TPSG1: variants seen among roughly 807,000 people sequenced by gnomAD.
The protein encoded by TPSG1 is tryptase gamma.
Under a neutral mutation model 23.8 loss-of-function variants are expected in TPSG1, and 43 were observed. The ratio of observed to expected loss-of-function variants is 1.81; its 90% CI spans 1.42 to 2.33. The LOEUF (loss-of-function observed/expected upper bound fraction) is 2.33. TPSG1 is among the 30% of genes most tolerant of loss of function. The pLI is 0.00. For synonymous variants in TPSG1, 302 were observed against 201.3 expected (o/e 1.50, Z -4.23); for missense variants, 623 against 438.6 (o/e 1.42, Z -3.75).
At chr16:1,222,562 G>T in intron 4 of TPSG1, 90 bp downstream of exon 4, 1 of 1,484,154 alleles carries the variant, frequency 6.7e-7, no homozygotes. Context: ...GCCACCAGGA[G>T]CAGGTGGTAG....
At chr16:1,225,056 G>A (rs541226092) in intron 1 of TPSG1, 151 bp downstream of exon 1, 5 of 833,532 alleles carry the variant, frequency 6.0e-6, no homozygotes, top group East Asian at 5.6e-5. Flanking sequence ...CCAGCCAGGG[G>A]TGCAGTCTCT....
Position 1,222,194 on chromosome 16 carries a change from A to G in TPSG1, c.657+2T>C, listed in dbSNP as rs1482360823. 1 of 1,611,176 alleles carries G rather than the reference A, an allele frequency of 6.2e-7. No homozygotes were observed. Among genetic ancestry groups the G allele is most frequent in the Non-Finnish European group, 8.5e-7 (1 of 1,179,668 alleles). On this transcript the variant is annotated splice_donor_variant, in intron 5 of 5. Coordinates refer to ENST00000234798, the MANE Select transcript of TPSG1 (RefSeq NM_012467.4). LOFTEE classifies it high-confidence loss of function. ...TCCTCTGTCACGGCCTGGCAGGCTC[A>G]CCTGGCAGGCATCCCCGGGGCCCCG...
At position 1,222,348 on chromosome 16, in the gene TPSG1, T is replaced by TG. The variant is rs370770974; in HGVS notation, c.512-8dup. On this transcript the variant is annotated splice_region_variant and splice_polypyrimidine_tract_variant and intron_variant, in intron 4 of 5. Transcript: ENST00000234798. Reference sequence around the variant, plus strand: ...TACGGGGGTGGCAGAGGCTCTGGGGTGGGGGGAACAGGCTTCAGAGAAGGT... The same window carrying TG: ...TACGGGGGTGGCAGAGGCTCTGGGGTGGGGGGGAACAGGCTTCAGAGAAGGT... The TG allele has an allele frequency of 7.1e-6, 11 of 1,560,060 alleles. No individual in the cohort carries two copies. Among genetic ancestry groups the TG allele is most frequent in the Non-Finnish European group, 9.6e-6 (11 of 1,151,788 alleles).
rs781004062 is a variant in TPSG1, at chr16:1,222,855, T to C, written c.308A>G (p.His103Arg). ...GATGATCTGCCTCACGGTGGAGAAG[T>C]GGGGAGACAGAGTGATCTCCAGTTC... Reference protein sequence around the residue: ...LGELEITLSPHFSTVRQIILH... With the variant: ...LGELEITLSPRFSTVRQIILH... The change falls in exon 4 of 6, where the codon CAC (histidine) becomes CGC (arginine). Residue 103 changes from histidine (H) to arginine (R), a missense_variant. By Grantham distance (29) the His-to-Arg change is conservative. Coordinates refer to ENST00000234798, the MANE Select transcript of TPSG1 (RefSeq NM_012467.4). 5 of 1,610,850 alleles carry C rather than the reference T, an allele frequency of 3.1e-6. No individual in the cohort carries two copies. In the South Asian group the frequency reaches 4.4e-5, roughly 14 times the overall value.
Position 1,222,205 on chromosome 16 carries a change from A to G in TPSG1, c.648T>C (p.Asp216=). 1.2e-6 allele frequency: 2 copies of G among 1,611,510 alleles called. No homozygotes were observed. Among genetic ancestry groups the G allele is most frequent in the Admixed American group, 3.3e-5 (2 of 59,982 alleles). Residue 216 remains aspartate, a synonymous_variant, in exon 5 of 6, where the codon GAT becomes GAC. Transcript: ENST00000234798. The part of the protein sequence containing the change: ...PDMLCARGPG[D]ACQDDSGGPL... ...GGCCTGGCAGGCTCACCTGGCAGGC[A>G]TCCCCGGGGCCCCGGGCACACAGCA...
chr16:1,222,176 T>C lies in TPSG1; in HGVS notation c.657+20A>G, dbSNP rs1567564339. Reference sequence around the variant, plus strand: ...GGGCTTCAGCCGCCCCCATCCTCTGTCACGGCCTGGCAGGCTCACCTGGCA... The same window carrying C: ...GGGCTTCAGCCGCCCCCATCCTCTGCCACGGCCTGGCAGGCTCACCTGGCA... On this transcript the variant is annotated intron_variant, in intron 5 of 5. Transcript: ENST00000234798. 6.2e-7 allele frequency: 1 copy of C among 1,611,532 alleles called. No individual in the cohort carries two copies. Among genetic ancestry groups the C allele is most frequent in the Admixed American group, 1.7e-5 (1 of 59,980 alleles).
chr16:1,224,843 G>A lies in TPSG1; in HGVS notation c.47-215C>T. On this transcript the variant is annotated intron_variant, in intron 1 of 5. Coordinates refer to ENST00000234798, the MANE Select transcript of TPSG1 (RefSeq NM_012467.4). Reference sequence around the variant, plus strand: ...GCCATAAACGGCAGCTGGAGGCCGGGAGCTTGGCCTCAGGCCTGGGCCTCC... The same window carrying A: ...GCCATAAACGGCAGCTGGAGGCCGGAAGCTTGGCCTCAGGCCTGGGCCTCC... The A allele has an allele frequency of 4.8e-6, 3 of 631,350 alleles. 1 individual carries two copies. In the South Asian group the frequency reaches 5.9e-5, roughly 12 times the overall value. The allele number at this position is 631,350 out of a possible 1,614,324, so 39.1% of individuals were successfully genotyped here. A position where few individuals can be genotyped will look rare whatever the true frequency, so the allele number is the denominator to read the frequency against.
intron 4 of TPSG1, 95 bp downstream of exon 4, chr16:1,222,557 C>T: frequency 6.7e-7 from 1 of 1,485,818 alleles, no homozygotes; most frequent in Non-Finnish European, 9.0e-7. Context: ...TGGAAGCCAC[C>T]AGGAGCAGGT....
At position 1,221,771 on chromosome 16, in the gene TPSG1, C is replaced by T. The variant is rs1199354070; in HGVS notation, c.*17G>A. 3.2e-6 allele frequency: 5 copies of T among 1,584,806 alleles called. No individual in the cohort carries two copies. Among genetic ancestry groups the T allele is most frequent in the Admixed American group, 3.5e-5 (2 of 56,462 alleles). The stretch of plus-strand genomic sequence containing the variant: ...TAAATAGTAACTTATTTAAGAAATG[C>T]ACTTGGATTCCTGCCATCAGTCAGG... On this transcript the variant is annotated 3_prime_UTR_variant, in exon 6 of 6. Transcript: ENST00000234798.
At position 1,221,928 on chromosome 16, in the gene TPSG1, C is replaced by CT. The variant is rs1202068948; in HGVS notation, c.825dup (p.Glu276ArgfsTer46). On this transcript the variant is annotated frameshift_variant, in exon 6 of 6. Coordinates refer to ENST00000234798, the MANE Select transcript of TPSG1 (RefSeq NM_012467.4). LOFTEE classifies it low-confidence loss of function (END_TRUNC). ...AGGGGGAGCCTGGGGTACCCAGACT[C>CT]TGAGCCCCCTGATGCTGTGATGTGG... The CT allele has an allele frequency of 1.6e-5, 25 of 1,611,570 alleles. No homozygotes were observed. The highest frequency in any genetic ancestry group is 2.0e-5 in the Non-Finnish European group (23 of 1,179,072).
rs374595531 is a variant in TPSG1, at chr16:1,221,928, C to T, written c.826G>A (p.Glu276Lys). 1.4e-5 allele frequency: 23 copies of T among 1,611,452 alleles called. No homozygotes were observed. The highest frequency in any genetic ancestry group is 3.3e-4 in the Middle Eastern group (2 of 6,068). ...RRHITASGGS[E>K]SGYPRLPLLA... ...AGGGGGAGCCTGGGGTACCCAGACTCTGAGCCCCCTGATGCTGTGATGTGG... is the reference window on the plus strand; with the variant it reads ...AGGGGGAGCCTGGGGTACCCAGACTTTGAGCCCCCTGATGCTGTGATGTGG... Residue 276 changes from glutamate (E) to lysine (K), a missense_variant, in exon 6 of 6, where the codon GAG becomes AAG. Glu to Lys is a moderately conservative substitution (Grantham distance 56). Transcript: ENST00000234798.
chr16:1,222,354 G>T lies in TPSG1; in HGVS notation c.512-13C>A. 1 of 1,574,158 alleles carries T rather than the reference G, an allele frequency of 6.4e-7. No homozygotes were observed. Among genetic ancestry groups the T allele is most frequent in the Non-Finnish European group, 8.6e-7 (1 of 1,158,302 alleles). Reference sequence around the variant, plus strand: ...GGTGGCAGAGGCTCTGGGGTGGGGGGAACAGGCTTCAGAGAAGGTTGGGGC... The same window carrying T: ...GGTGGCAGAGGCTCTGGGGTGGGGGTAACAGGCTTCAGAGAAGGTTGGGGC... On this transcript the variant is annotated splice_polypyrimidine_tract_variant and intron_variant, in intron 4 of 5. Transcript: ENST00000234798.
chr16:1,222,080 G>A lies in TPSG1; in HGVS notation c.674C>T (p.Pro225Leu), dbSNP rs1322323221. The change falls in exon 6 of 6, where the codon CCT becomes CTT. Residue 225 changes from proline (P) to leucine (L), a missense_variant. Physicochemically the swap from Pro to Leu is moderately conservative, Grantham distance 98. Coordinates refer to ENST00000234798, the MANE Select transcript of TPSG1 (RefSeq NM_012467.4). ...GDACQDDSGG[P>L]LVCQVNGAWV... ...GGCACCGTTCACCTGGCAGACCAGA[G>A]GCCCCCCGGAGTCGTCCTGAGGACA... 1 of 1,612,700 alleles carries A rather than the reference G, an allele frequency of 6.2e-7. No individual in the cohort carries two copies. Among genetic ancestry groups the A allele is most frequent in the Non-Finnish European group, 8.5e-7 (1 of 1,180,004 alleles).
In TPSG1 at chr16:1,222,060, C is replaced by G. The variant is rs773540247; in HGVS notation, c.694G>C (p.Gly232Arg). ...SGGPLVCQVN[G>R]AWVQAGTVSW... ...ACAGTGCCAGCCTGCACCCAGGCAC[C>G]GTTCACCTGGCAGACCAGAGGCCCC... Residue 232 changes from glycine to arginine, a missense_variant, in exon 6 of 6, where the codon GGT becomes CGT. By Grantham distance (125) the Gly-to-Arg change is moderately radical. Transcript: ENST00000234798. The G allele has an allele frequency of 6.2e-7, 1 of 1,612,796 alleles. No homozygotes were observed. The highest frequency in any genetic ancestry group is 1.1e-5 in the South Asian group (1 of 91,084).
intron 2 of TPSG1, 151 bp from the exon 3 acceptor site, chr16:1,223,745 T>C: frequency 1.1e-6 from 1 of 932,046 alleles, no homozygotes; most frequent in Non-Finnish European, 1.5e-6. Context: ...AGAAGCATCG[T>C]GGGTGCAGCA....
intron 1 of TPSG1, among the ~76,000 whole-genome samples, chr16:1,224,993 A>C (rs1482491649): frequency 1.2e-5 from 1 of 81,982 alleles, no homozygotes; most frequent in Non-Finnish European, 2.5e-5. Flanking sequence ...CTGCACCCCC[A>C]ACTCCCACCC....
In TPSG1 at chr16:1,222,725, G is replaced by A; in HGVS notation, c.438C>T (p.Leu146=). The change falls in exon 4 of 6, where the codon CTC becomes CTT. Residue 146 remains leucine (L), a synonymous_variant. Coordinates refer to ENST00000234798, the MANE Select transcript of TPSG1 (RefSeq NM_012467.4). The stretch of plus-strand genomic sequence containing the variant: ...GGCAGAAGTCATCTGAGGCCTCCGG[G>A]AGGCAGACGGGCAGGATCCGGCTGG... ...TLSSRILPVC[L]PEASDDFCPG... The A allele has an allele frequency of 6.2e-7, 1 of 1,610,500 alleles. No homozygotes were observed. Among genetic ancestry groups the A allele is most frequent in the Non-Finnish European group, 8.5e-7 (1 of 1,178,056 alleles).
In TPSG1 at chr16:1,222,094, G is replaced by T. The variant is rs150971454; in HGVS notation, c.660C>A (p.Asp220Glu). 8 of 1,612,784 alleles carry T rather than the reference G, an allele frequency of 5.0e-6. No homozygotes were observed. The East Asian group carries it at 1.1e-4, about 22-fold the overall frequency. ...CARGPGDACQ[D>E]DSGGPLVCQV... is the part of the protein sequence containing the mutation. ...GGCAGACCAGAGGCCCCCCGGAGTC[G>T]TCCTGAGGACAGAGAAGGCGAGCAT... Residue 220 changes from aspartate to glutamate, a missense_variant and splice_region_variant, in exon 6 of 6, where the codon GAC (aspartate) becomes GAA (glutamate). Physicochemically the swap from Asp to Glu is conservative, Grantham distance 45 (BLOSUM62 2). Transcript: ENST00000234798.
Position 1,225,225 on chromosome 16 carries a change from G to A in TPSG1, c.28C>T (p.Leu10=), listed in dbSNP as rs1208666076. The A allele has an allele frequency of 3.2e-6, 5 of 1,579,476 alleles. No individual in the cohort carries two copies. The highest frequency in any genetic ancestry group is 1.3e-5 in the African/African-American group (1 of 74,466). The change falls in exon 1 of 6, where the codon CTG becomes TTG. Residue 10 remains leucine, a synonymous_variant. Coordinates refer to ENST00000234798, the MANE Select transcript of TPSG1 (RefSeq NM_012467.4). ...CACCCACCGGGCACAGCCAGGAGCA[G>A]CAGGAGGCCACAGGCCCCAAGGGCC... is the stretch of plus-strand genomic sequence containing the variant. MALGACGLL[L]LLAVPGVSLR...
Sources: gnomAD v4.1 joint callset for allele counts (sites outside exome capture counted in the v4.1 genomes callset) on GRCh38, gnomAD v4.1.1 for gene constraint, MANE v1.5 for transcripts, NCBI Gene and HGNC (gene_info 2026-07-23, HGNC 2026-07-21) for gene names.